The following SPATA18 variants were observed in gnomAD, a reference collection of about 807,000 sequenced individuals.
The protein encoded by SPATA18 is mitochondria-eating protein.
Under a neutral mutation model 68.1 loss-of-function variants are expected in SPATA18, and 54 were observed. The observed-to-expected ratio is 0.79, with a 90% CI of 0.64 to 0.99. SPATA18 has a LOEUF of 0.99. Among genes scored for constraint, SPATA18 ranks in the 50% least tolerant of loss-of-function variants. SPATA18 has a pLI of 0.00. For synonymous variants in SPATA18, 242 were observed against 244.8 expected (o/e 0.99, Z 0.11); for missense variants, 724 against 681.1 (o/e 1.06, Z -0.70).
intron 1 of SPATA18, 111 bp from the exon 2 acceptor site, chr4:52,060,308 A>G (rs1738714965): frequency 1.3e-6 from 1 of 774,886 alleles, no homozygotes; most frequent in East Asian, 2.6e-5. Flanking sequence ...GTCCTGCCAC[A>G]AAAGCATACC....
chr4:52,075,502 A>T (rs1470299010), intron 6 of SPATA18, among the ~76,000 whole-genome samples: 1 of 152,198 alleles, frequency 6.6e-6, no homozygotes, highest in Non-Finnish European at 1.5e-5. Context: ...TGTCTGGGGA[A>T]GTCTGACTTA....
chr4:52,076,646 C>T (rs1336177966), intron 6 of SPATA18, 133 bp from the exon 7 acceptor site: 2 of 1,190,414 alleles, frequency 1.7e-6, no homozygotes, highest in Non-Finnish European at 2.4e-6. Context: ...ATAGGGAAGT[C>T]TAATCACTTC....
intron 7 of SPATA18, among the ~76,000 whole-genome samples, chr4:52,077,790 T>G (rs1209775310): frequency 6.6e-6 from 1 of 152,182 alleles, no homozygotes; most frequent in Non-Finnish European, 1.5e-5. Flanking sequence ...ATCAGCTATT[T>G]GAGCATGACA....
chr4:52,066,584 G>T, intron 4 of SPATA18, among the ~76,000 whole-genome samples: 1 of 152,138 alleles, frequency 6.6e-6, no homozygotes, highest in East Asian at 1.9e-4. Context: ...ATGGTGGTTT[G>T]CTGCACAGAT....
At chr4:52,079,956 A>G in intron 9 of SPATA18, 37 bp downstream of exon 9, 2 of 1,586,470 alleles carry the variant, frequency 1.3e-6, no homozygotes, top group Non-Finnish European at 1.7e-6. Context: ...GGGATTTATC[A>G]TGAATACATT....
chr4:52,067,264 T>A (rs1257196032), intron 4 of SPATA18, among the ~76,000 whole-genome samples: 1 of 152,222 alleles, frequency 6.6e-6, no homozygotes, highest in Non-Finnish European at 1.5e-5. Context: ...ATGTTGAACT[T>A]GTTTTTATAT....
chr4:52,051,680 G>T lies in SPATA18; in HGVS notation c.-25G>T. On this transcript the variant is annotated 5_prime_UTR_variant, in exon 1 of 13. Coordinates refer to ENST00000295213, the MANE Select transcript of SPATA18 (RefSeq NM_145263.4). The stretch of plus-strand genomic sequence containing the variant: ...TCCCCCCAAGTCTCCATCGCGCAGC[G>T]TGGGGCCGAGAGGAATAGTGAGCGA... The T allele has an allele frequency of 6.2e-7, 1 of 1,612,502 alleles. No homozygotes were observed. The highest frequency in any genetic ancestry group is 8.5e-7 in the Non-Finnish European group (1 of 1,178,474).
intron 1 of SPATA18, among the ~76,000 whole-genome samples, chr4:52,052,614 C>A (rs994131602): frequency 6.6e-6 from 1 of 152,170 alleles, no homozygotes; most frequent in Non-Finnish European, 1.5e-5. Context: ...GAAATTAGCC[C>A]CCCCTTGTTT....
intron 8 of SPATA18, 112 bp from the exon 9 acceptor site, chr4:52,079,632 G>C: frequency 8.0e-7 from 1 of 1,246,152 alleles, no homozygotes; most frequent in Non-Finnish European, 1.1e-6. Flanking sequence ...GCTTTAACTT[G>C]CTTTGGCTCA....
At chr4:52,051,902 G>A in intron 1 of SPATA18, 111 bp downstream of exon 1, 2 of 976,466 alleles carry the variant, frequency 2.0e-6, no homozygotes, top group East Asian at 2.5e-5. Flanking sequence ...AAGCCTCCGC[G>A]GTTGCGATTC....
intron 6 of SPATA18, among the ~76,000 whole-genome samples, chr4:52,073,336 C>A (rs1740033827): frequency 1.3e-5 from 2 of 152,152 alleles, no homozygotes; most frequent in African/African-American, 2.4e-5. Flanking sequence ...TTTATGGAGA[C>A]CCGTTTACTT....
At chr4:52,077,972 T>C (rs1578183672) in intron 7 of SPATA18, among the ~76,000 whole-genome samples, 1 of 152,160 alleles carries the variant, frequency 6.6e-6, no homozygotes, top group East Asian at 1.9e-4. Flanking sequence ...AACTTTATCC[T>C]GTATTTATTC....
chr4:52,084,984 A>G lies in SPATA18; in HGVS notation c.1548A>G (p.Gln516=), dbSNP rs1323512393. The G allele has an allele frequency of 1.2e-6, 2 of 1,613,524 alleles. No homozygotes were observed. Among genetic ancestry groups the G allele is most frequent in the South Asian group, 2.2e-5 (2 of 91,036 alleles). Residue 516 remains glutamine (Q), a synonymous_variant, in exon 11 of 13, where the codon CAA becomes CAG. Transcript: ENST00000295213. The part of the protein sequence containing the change: ...RSLSPICPRS[Q]IGLNTMSRSR... Reference sequence around the variant, plus strand: ...TAAGTCCCATTTGCCCCCGTAGCCAAATTGGTTTAAACACGGTACATATCT... The same window carrying G: ...TAAGTCCCATTTGCCCCCGTAGCCAGATTGGTTTAAACACGGTACATATCT...
intron 6 of SPATA18, among the ~76,000 whole-genome samples, chr4:52,075,873 T>C (rs1740294715): frequency 6.6e-6 from 1 of 152,204 alleles, no homozygotes; most frequent in South Asian, 2.1e-4. Flanking sequence ...CCTTTCTTCA[T>C]GGGAACAACA....
Position 52,097,026 on chromosome 4 carries a change from T to C in SPATA18, c.*2139T>C, listed in dbSNP as rs573045562. The C allele has an allele frequency of 6.6e-6, 1 of 152,292 alleles. No homozygotes were observed. Among genetic ancestry groups the C allele is most frequent in the South Asian group, 2.1e-4 (1 of 4,830 alleles). 9.4% of individuals were successfully genotyped at this position (152,292 alleles called of 1,614,324 possible). A position where few individuals can be genotyped will look rare whatever the true frequency, so the allele number is the denominator to read the frequency against. On this transcript the variant is annotated 3_prime_UTR_variant, in exon 13 of 13. Transcript: ENST00000295213. ...GCCTGGCCACTTGCTGTTTCTTCAG[T>C]TTCTAATTTGAGCTGTAACTACACA...
chr4:52,088,507 T>C (rs1741640393), intron 11 of SPATA18, among the ~76,000 whole-genome samples: 1 of 151,510 alleles, frequency 6.6e-6, no homozygotes, highest in Non-Finnish European at 1.5e-5. Context: ...TTTTATTGAA[T>C]TTATTGAATT....
intron 8 of SPATA18, among the ~76,000 whole-genome samples, chr4:52,079,348 A>G (rs570201617): frequency 2.0e-5 from 3 of 152,346 alleles, no homozygotes; most frequent in Non-Finnish European, 4.4e-5. Flanking sequence ...TTAGCACAAG[A>G]CATGGCACAT....
intron 6 of SPATA18, among the ~76,000 whole-genome samples, chr4:52,074,059 A>G (rs372593587): frequency 2.6e-5 from 4 of 152,272 alleles, no homozygotes; most frequent in East Asian, 3.9e-4. Context: ...ATTTCATGGT[A>G]AGTAAAACCT....
intron 11 of SPATA18, among the ~76,000 whole-genome samples, chr4:52,089,863 G>T (rs1741779722): frequency 6.6e-6 from 1 of 152,136 alleles, no homozygotes; most frequent in Admixed American, 6.5e-5. Flanking sequence ...TCATTGATCT[G>T]TCTAATATTG....
Sources: gnomAD v4.1 joint callset for allele counts (sites outside exome capture counted in the v4.1 genomes callset) on GRCh38, gnomAD v4.1.1 for gene constraint, MANE v1.5 for transcripts, NCBI Gene and HGNC (gene_info 2026-07-23, HGNC 2026-07-21) for gene names.